Variants in ATL1 observed in about 807,000 individuals in gnomAD.
ATL1 encodes atlastin GTPase 1.
ATL1 carries 31 observed loss-of-function variants against 75.5 expected under a neutral mutation model. That is an observed-to-expected ratio of 0.41 (90% CI 0.31 to 0.55). The LOEUF (loss-of-function observed/expected upper bound fraction) is 0.55. Ranked by LOEUF, ATL1 falls within the 20% of genes least tolerant of loss-of-function variation. ATL1 has a pLI of 0.27. For synonymous variants in ATL1, 226 were observed against 233.3 expected (o/e 0.97, Z 0.28); for missense variants, 405 against 662.6 (o/e 0.61, Z 4.27).
chr14:50,608,408 T>A (rs919002565), intron 6 of ATL1, among the ~76,000 whole-genome samples: 1 of 152,164 alleles, frequency 6.6e-6, no homozygotes, highest in Admixed American at 6.6e-5. Flanking sequence ...AAACCTTTAA[T>A]AGCTTGGAAT....
At chr14:50,604,497 T>C (rs1463542734) in intron 6 of ATL1, among the ~76,000 whole-genome samples, 1 of 152,166 alleles carries the variant, frequency 6.6e-6, no homozygotes, top group Non-Finnish European at 1.5e-5. Flanking sequence ...TTTGGGATTG[T>C]AAATAGTTTG....
intron 13 of ATL1, among the ~76,000 whole-genome samples, chr14:50,631,458 C>G (rs1384860823): frequency 6.6e-6 from 1 of 152,024 alleles, no homozygotes; most frequent in South Asian, 2.1e-4. Context: ...TCATTTGTAA[C>G]TGACTGTCAA....
intron 1 of ATL1, among the ~76,000 whole-genome samples, chr14:50,542,344 A>G (rs1475443875): frequency 6.6e-6 from 1 of 152,138 alleles, no homozygotes; most frequent in Non-Finnish European, 1.5e-5. Context: ...CCTAATGCAT[A>G]CGGGACTTAA....
chr14:50,584,672 G>GC (rs1430235940), intron 1 of ATL1, among the ~76,000 whole-genome samples: 1 of 151,894 alleles, frequency 6.6e-6, no homozygotes, highest in African/African-American at 2.4e-5. Flanking sequence ...TCGCGCCACT[G>GC]CACTCCAGCC....
intron 13 of ATL1, among the ~76,000 whole-genome samples, chr14:50,630,414 C>G (rs2039568817): frequency 6.6e-6 from 1 of 152,186 alleles, no homozygotes; most frequent in Admixed American, 6.5e-5. Flanking sequence ...TTGTTTTCAA[C>G]TTTGGCTTTT....
chr14:50,626,810 TAC>T (rs1173313826), intron 11 of ATL1, among the ~76,000 whole-genome samples: 7 of 152,200 alleles, frequency 4.6e-5, no homozygotes, highest in African/African-American at 1.7e-4. Context: ...TATTGCTAAT[TAC>T]AGTCACCCTA....
chr14:50,623,717 A>G (rs1350661936), intron 11 of ATL1, among the ~76,000 whole-genome samples: 1 of 152,044 alleles, frequency 6.6e-6, no homozygotes, highest in Non-Finnish European at 1.5e-5. Flanking sequence ...ATTATTGTGT[A>G]TATGTACTAC....
intron 1 of ATL1, among the ~76,000 whole-genome samples, chr14:50,541,606 A>T (rs187742895): frequency 1.1e-4 from 17 of 152,336 alleles, no homozygotes; most frequent in Admixed American, 3.9e-4. Context: ...CTATGATGCA[A>T]GCTGCCCTGA....
chr14:50,560,009 G>T (rs2038815014), upstream of ATL1: 2 of 563,510 alleles, frequency 3.5e-6, no homozygotes, highest in Non-Finnish European at 6.4e-6. Context: ...TTCACGGTCT[G>T]GGGGTGGACT....
chr14:50,552,023 A>G (rs185838805), intron 1 of ATL1, among the ~76,000 whole-genome samples: 99 of 152,342 alleles, frequency 6.5e-4, no homozygotes, highest in Non-Finnish European at 1.1e-3. Flanking sequence ...GCAGTCAGAC[A>G]AAAGAAAGAA....
intron 1 of ATL1, among the ~76,000 whole-genome samples, chr14:50,577,388 T>C (rs1226723497): frequency 3.3e-5 from 5 of 152,208 alleles, no homozygotes; most frequent in African/African-American, 9.6e-5. Flanking sequence ...AATACAAAGA[T>C]GAATAATACA....
chr14:50,564,929 G>C (rs984637880), intron 1 of ATL1, among the ~76,000 whole-genome samples: 78 of 151,990 alleles, frequency 5.1e-4, no homozygotes, highest in African/African-American at 1.7e-3. Flanking sequence ...AAATGAGACC[G>C]TCTGTCCCTT....
intron 1 of ATL1, among the ~76,000 whole-genome samples, chr14:50,582,077 T>G (rs1035851823): frequency 6.6e-6 from 1 of 152,030 alleles, no homozygotes; most frequent in African/African-American, 2.4e-5. Flanking sequence ...GGTCAGGAGT[T>G]TGAGACCAGC....
At chr14:50,565,735 T>C (rs1471952403) in intron 1 of ATL1, among the ~76,000 whole-genome samples, 1 of 152,194 alleles carries the variant, frequency 6.6e-6, no homozygotes, top group East Asian at 1.9e-4. Context: ...GGCTACACTG[T>C]AGGCAGAACC....
chr14:50,537,468 C>T (rs1209226627), intron 1 of ATL1, among the ~76,000 whole-genome samples: 1 of 152,164 alleles, frequency 6.6e-6, no homozygotes, highest in African/African-American at 2.4e-5. Flanking sequence ...TACTGAGGTA[C>T]TGCCTAGTGG....
At chr14:50,549,155 C>G (rs991814294) in intron 1 of ATL1, among the ~76,000 whole-genome samples, 8 of 152,138 alleles carry the variant, frequency 5.3e-5, no homozygotes, top group Non-Finnish European at 1.0e-4. Flanking sequence ...CCAGGCCAAC[C>G]ATTGTATATA....
intron 11 of ATL1, among the ~76,000 whole-genome samples, chr14:50,627,749 C>T (rs572132392): frequency 2.0e-5 from 3 of 152,248 alleles, no homozygotes; most frequent in Non-Finnish European, 2.9e-5. Flanking sequence ...TTGTGTCACA[C>T]GTCTTTTCAT....
At chr14:50,620,194 G>T (rs1195780050) in intron 8 of ATL1, among the ~76,000 whole-genome samples, 2 of 152,154 alleles carry the variant, frequency 1.3e-5, no homozygotes, top group African/African-American at 4.8e-5. Context: ...GGAGGCAGAG[G>T]TTGCAGTGAG....
At chr14:50,598,706 T>A (rs2039244622) in intron 6 of ATL1, among the ~76,000 whole-genome samples, 1 of 152,136 alleles carries the variant, frequency 6.6e-6, no homozygotes, top group South Asian at 2.1e-4. Context: ...GAGGGCTCAA[T>A]ACACACTAAA....
Sources: allele counts gnomAD v4.1 joint callset (sites outside exome capture counted in the v4.1 genomes callset), GRCh38; gene constraint gnomAD v4.1.1; transcripts MANE v1.5; gene names NCBI Gene and HGNC (gene_info 2026-07-23, HGNC 2026-07-21).